The following PTPRD variants were observed in gnomAD, a reference collection of about 807,000 sequenced individuals.
PTPRD encodes the protein protein tyrosine phosphatase receptor type D.
A neutral mutation model predicts 214.5 loss-of-function variants in PTPRD; 34 were observed. That is an observed-to-expected ratio of 0.16 (90% CI 0.12 to 0.21). PTPRD has a LOEUF of 0.21. PTPRD is among the 10% of genes least tolerant of loss of function. PTPRD has a pLI of 1.00. For missense variants in PTPRD, 2,545 were observed against 2,398.7 expected (o/e 1.06, Z -1.27); for synonymous variants, 1,128 against 845.7 (o/e 1.33, Z -5.79).
chr9:8,965,928 A>G (rs1039703331), intron 11 of PTPRD, among the ~76,000 whole-genome samples: 3 of 152,132 alleles, frequency 2.0e-5, no homozygotes, highest in African/African-American at 7.2e-5. Flanking sequence ...CTGATAAACA[A>G]TTTTAGCAAG....
intron 11 of PTPRD, among the ~76,000 whole-genome samples, chr9:8,904,014 T>G (rs946761897): frequency 2.0e-5 from 3 of 152,216 alleles, no homozygotes; most frequent in African/African-American, 7.2e-5. Flanking sequence ...GATTATTTAT[T>G]TTTTCAACTT....
intron 2 of PTPRD, among the ~76,000 whole-genome samples, chr9:10,509,836 CA>C (rs1488132534): frequency 6.6e-6 from 1 of 151,346 alleles, no homozygotes; most frequent in Admixed American, 6.6e-5. Flanking sequence ...GCATGTATAC[CA>C]ACTCATATAT....
chr9:8,386,519 G>C (rs1046956877), intron 37 of PTPRD, among the ~76,000 whole-genome samples: 1 of 152,148 alleles, frequency 6.6e-6, no homozygotes, highest in South Asian at 2.1e-4. Context: ...CTCTTGGAGA[G>C]GTAATTTGTT....
chr9:9,391,153 T>TTGTC (rs147400366), intron 9 of PTPRD, among the ~76,000 whole-genome samples: 21 of 151,880 alleles, frequency 1.4e-4, no homozygotes, highest in Non-Finnish European at 2.6e-4. Flanking sequence ...ATCAGGGATA[T>TTGTC]TCTATGTTAC....
At chr9:9,840,761 C>CAAAAAAA (rs59780411) in intron 5 of PTPRD, among the ~76,000 whole-genome samples, 48 of 61,618 alleles carry the variant, frequency 7.8e-4, no homozygotes, top group Non-Finnish European at 9.2e-4. Context: ...GACTCCGTTT[C>CAAAAAAA]AAAAAAAAAA....
intron 2 of PTPRD, among the ~76,000 whole-genome samples, chr9:10,484,003 A>C (rs915463858): frequency 3.3e-5 from 5 of 152,190 alleles, no homozygotes; most frequent in African/African-American, 1.2e-4. Context: ...CACAATTGCA[A>C]AGATATGAAA....
chr9:8,546,660 C>G (rs34736341), intron 14 of PTPRD, among the ~76,000 whole-genome samples: 21,425 of 151,790 alleles, frequency 0.14, 1,610 homozygotes, highest in South Asian at 0.18. Flanking sequence ...CACCATGCCT[C>G]GCTACTTTTT....
intron 9 of PTPRD, among the ~76,000 whole-genome samples, chr9:9,352,360 T>A (rs1308714959): frequency 7.8e-6 from 1 of 129,032 alleles, no homozygotes; most frequent in Non-Finnish European, 1.8e-5. Flanking sequence ...TGTGTATATA[T>A]GTGTGTGTGT....
At position 9,090,882 on chromosome 9, in the gene PTPRD, G is replaced by A. The variant is rs188422115; in HGVS notation, c.-142-72147C>T. On this transcript the variant is annotated intron_variant, in intron 10 of 45. Transcript: ENST00000381196. ...AAAATTTCTTTAAATAGCTGTCTCC[G>A]GTCCGTGCCTCCAAGATGACAAAGA... The A allele has an allele frequency of 2.5e-4, 257 of 1,034,816 alleles. No individual in the cohort carries two copies. In the African/African-American group the frequency reaches 3.5e-3, roughly 14 times the overall value. 64.1% of individuals were successfully genotyped at this position (1,034,816 alleles called of 1,614,324 possible). A position where few individuals can be genotyped will look rare whatever the true frequency, so the allele number is the denominator to read the frequency against.
chr9:9,738,183 C>T (rs1156887746), intron 6 of PTPRD, among the ~76,000 whole-genome samples: 1 of 152,026 alleles, frequency 6.6e-6, no homozygotes, highest in African/African-American at 2.4e-5. Context: ...GGCACACCAA[C>T]GTGGCACATG....
chr9:9,684,159 C>G (rs781071090), intron 7 of PTPRD, among the ~76,000 whole-genome samples: 1 of 151,426 alleles, frequency 6.6e-6, no homozygotes, highest in Non-Finnish European at 1.5e-5. Flanking sequence ...ATTAGACATG[C>G]TTGGTTAAAA....
intron 3 of PTPRD, among the ~76,000 whole-genome samples, chr9:10,316,833 C>T (rs1411036651): frequency 6.6e-6 from 1 of 151,782 alleles, no homozygotes; most frequent in Non-Finnish European, 1.5e-5. Flanking sequence ...AATACAGATT[C>T]AACAACAGCA....
At chr9:8,594,835 G>C (rs1433378978) in intron 14 of PTPRD, among the ~76,000 whole-genome samples, 2 of 149,098 alleles carry the variant, frequency 1.3e-5, no homozygotes, top group South Asian at 2.1e-4. Context: ...AGCAGTATGA[G>C]AATGAAATCA....
chr9:9,440,924 A>T (rs2144363864), intron 8 of PTPRD, among the ~76,000 whole-genome samples: 1 of 152,242 alleles, frequency 6.6e-6, no homozygotes, highest in Non-Finnish European at 1.5e-5. Flanking sequence ...TTTGAAGGGG[A>T]CGAAGGAAGT....
At chr9:8,819,642 C>A (rs1363939216) in intron 11 of PTPRD, among the ~76,000 whole-genome samples, 6 of 152,088 alleles carry the variant, frequency 3.9e-5, no homozygotes, top group African/African-American at 1.4e-4. Context: ...GCCTGGGCAA[C>A]AGAGCAAGAC....
intron 4 of PTPRD, among the ~76,000 whole-genome samples, chr9:9,970,033 GA>G (rs2094979673): frequency 6.6e-6 from 1 of 152,092 alleles, no homozygotes; most frequent in South Asian, 2.1e-4. Flanking sequence ...GGTACATGGG[GA>G]CAGTGGCACC....
chr9:9,275,729 T>A (rs1473863694), intron 9 of PTPRD, among the ~76,000 whole-genome samples: 1 of 151,306 alleles, frequency 6.6e-6, no homozygotes, highest in Non-Finnish European at 1.5e-5. Context: ...CTCATCTGTG[T>A]CCTCTTTAAA....
chr9:9,800,671 C>T (rs747533549), intron 5 of PTPRD: 3 of 152,254 alleles, frequency 2.0e-5, no homozygotes, highest in Non-Finnish European at 4.4e-5. Context: ...TCTGTCAGCA[C>T]ATGGTAAGTA....
chr9:10,233,260 T>C (rs543567396), intron 3 of PTPRD, among the ~76,000 whole-genome samples: 6 of 152,148 alleles, frequency 3.9e-5, no homozygotes, highest in Admixed American at 1.3e-4. Flanking sequence ...GGCTTGGATG[T>C]ACACAGAGGT....
Sources: allele counts gnomAD v4.1 joint callset (sites outside exome capture counted in the v4.1 genomes callset), GRCh38; gene constraint gnomAD v4.1.1; transcripts MANE v1.5; gene names NCBI Gene and HGNC (gene_info 2026-07-23, HGNC 2026-07-21).